The following RFFL variants were observed in gnomAD, a reference collection of about 807,000 sequenced individuals.
RFFL encodes the protein E3 ubiquitin-protein ligase rififylin.
RFFL carries 16 observed loss-of-function variants against 40.4 expected under a neutral mutation model. That is an observed-to-expected ratio of 0.40 (90% CI 0.27 to 0.60). The LOEUF (loss-of-function observed/expected upper bound fraction) is 0.60, where lower values mean the gene tolerates loss of function less well. Among genes scored for constraint, RFFL ranks in the 20% least tolerant of loss-of-function variants. The probability of loss-of-function intolerance (pLI) is 0.47; values close to 1 mark genes in which losing one functional copy is unlikely to be tolerated. For missense variants in RFFL, 367 were observed against 451.7 expected, an observed-to-expected ratio of 0.81 and a Z score of 1.70; for synonymous variants, 154 against 167.9, an observed-to-expected ratio of 0.92 and a Z score of 0.64.
intron 1 of RFFL, among the ~76,000 whole-genome samples, chr17:35,057,477 T>A (rs1171166857): frequency 6.6e-6 from 1 of 151,732 alleles, no homozygotes; most frequent in Non-Finnish European, 1.5e-5. Flanking sequence ...CTTCTCAGAC[T>A]GCAGTTCACC....
chr17:35,012,027 T>G lies in RFFL; in HGVS notation c.1033A>C (p.Asn345His). 1 of 1,614,164 alleles carries G rather than the reference T, an allele frequency of 6.2e-7. No individual in the cohort carries two copies. Among genetic ancestry groups the G allele is most frequent in the South Asian group, 1.1e-5 (1 of 91,076 alleles). ...TACTGCCGGCAGATGGGACATTCAT[T>G]CATGCGCTTGCCACACTTGGTACAG... ...VTCTKCGKRM[N>H]ECPICRQYVI... The change falls in exon 7 of 7, where the codon AAT becomes CAT. Residue 345 changes from asparagine to histidine, a missense_variant. By Grantham distance (68) the Asn-to-His change is moderately conservative. Transcript: ENST00000394597.
intron 1 of RFFL, among the ~76,000 whole-genome samples, chr17:35,045,919 G>GGGAGGCTGAGGCAGGAGTATCGCT (rs1394713913): frequency 2.0e-5 from 3 of 151,786 alleles, no homozygotes; most frequent in Non-Finnish European, 4.4e-5. Flanking sequence ...CCAGCTACTC[G>GGGAGGCTGAGGCAGGAGTATCGCT]GGAGGCTGAG....
At chr17:35,040,578 G>A (rs1456579194) in intron 1 of RFFL, among the ~76,000 whole-genome samples, 1 of 150,976 alleles carries the variant, frequency 6.6e-6, no homozygotes, top group African/African-American at 2.4e-5. Flanking sequence ...ACTCCAACCT[G>A]GGCGACAGAG....
chr17:35,014,678 G>A, intron 6 of RFFL, 62 bp downstream of exon 6: 1 of 1,429,278 alleles, frequency 7.0e-7, no homozygotes, highest in Admixed American at 1.7e-5. Context: ...AAGGGATTGG[G>A]GTTGAAGGAG....
intron 2 of RFFL, among the ~76,000 whole-genome samples, chr17:35,023,302 G>T (rs2091020873): frequency 6.6e-6 from 1 of 152,206 alleles, no homozygotes; most frequent in Non-Finnish European, 1.5e-5. Context: ...GCATAGTTAA[G>T]ATAGTTATAT....
At chr17:35,026,691 G>A in intron 1 of RFFL, 130 bp from the exon 2 acceptor site, 1 of 691,020 alleles carries the variant, frequency 1.4e-6, no homozygotes. Flanking sequence ...GGGAGGATGT[G>A]TTTTCAAACA....
chr17:35,028,748 C>T (rs2142330454), intron 1 of RFFL, among the ~76,000 whole-genome samples: 1 of 152,122 alleles, frequency 6.6e-6, no homozygotes, highest in South Asian at 2.1e-4. Context: ...GTTATTTCAT[C>T]GAGGAAAAAA....
At chr17:35,045,907 T>A (rs909456412) in intron 1 of RFFL, among the ~76,000 whole-genome samples, 4 of 151,622 alleles carry the variant, frequency 2.6e-5, no homozygotes, top group African/African-American at 9.7e-5. Context: ...ATGCCCATAG[T>A]CCCAGCTACT....
chr17:35,085,091 T>C (rs147708733), intron 1 of RFFL, among the ~76,000 whole-genome samples: 2 of 152,318 alleles, frequency 1.3e-5, no homozygotes, highest in Non-Finnish European at 2.9e-5. Context: ...CTGGGAAATC[T>C]GCATTTTTAA....
chr17:35,076,291 G>A (rs1039954962), intron 1 of RFFL, among the ~76,000 whole-genome samples: 7 of 151,912 alleles, frequency 4.6e-5, no homozygotes, highest in Non-Finnish European at 1.0e-4. Context: ...CACCATGCCC[G>A]GCCTCAATTT....
chr17:35,082,107 G>A (rs757036738), intron 1 of RFFL, among the ~76,000 whole-genome samples: 4 of 152,116 alleles, frequency 2.6e-5, no homozygotes, highest in Non-Finnish European at 5.9e-5. Context: ...AGCTGGTATT[G>A]TACTAATCAG....
intron 1 of RFFL, among the ~76,000 whole-genome samples, chr17:35,082,722 A>G (rs1383025471): frequency 1.3e-5 from 2 of 152,234 alleles, no homozygotes; most frequent in African/African-American, 4.8e-5. Flanking sequence ...GTTGCTTACA[A>G]TATACAAAAA....
chr17:35,088,792 A>G (rs1377195283), intron 1 of RFFL: 2 of 152,244 alleles, frequency 1.3e-5, no homozygotes, highest in Non-Finnish European at 2.9e-5. Flanking sequence ...CCACAAGCCA[A>G]CTAGACCTGC....
chr17:35,046,296 C>A (rs892981589), intron 1 of RFFL, among the ~76,000 whole-genome samples: 1 of 152,148 alleles, frequency 6.6e-6, no homozygotes, highest in African/African-American at 2.4e-5. Context: ...GGCTTCAATG[C>A]CTTCACTGTT....
At chr17:35,088,127 C>T (rs1312372588) in intron 1 of RFFL, among the ~76,000 whole-genome samples, 2 of 152,160 alleles carry the variant, frequency 1.3e-5, no homozygotes, top group Non-Finnish European at 2.9e-5. Context: ...AACCAATAAT[C>T]AAAGGGATAC....
intron 1 of RFFL, among the ~76,000 whole-genome samples, chr17:35,058,981 T>C (rs1039926973): frequency 2.0e-5 from 3 of 151,582 alleles, no homozygotes; most frequent in Admixed American, 1.3e-4. Flanking sequence ...GCTTCCATTA[T>C]GGCCCAGCCA....
At chr17:35,085,704 A>C (rs2142390790) in intron 1 of RFFL, among the ~76,000 whole-genome samples, 1 of 152,360 alleles carries the variant, frequency 6.6e-6, no homozygotes, top group Middle Eastern at 3.4e-3. Flanking sequence ...CTGGGATTAC[A>C]GGAGTGAGCC....
At position 35,055,084 on chromosome 17, in the gene RFFL, A is replaced by AT. The variant is rs372984260; in HGVS notation, c.-9+8491dup. On this transcript the variant is annotated intron_variant, in intron 1 of 6. Coordinates refer to ENST00000394597, the MANE Select transcript of RFFL (RefSeq NM_001017368.2). ...GGGTGCCCACCAGCACGCCTGGCCAATTTTTTTGTATTTTTAGTAGACACG... is the reference window on the plus strand; with the variant it reads ...GGGTGCCCACCAGCACGCCTGGCCAATTTTTTTTGTATTTTTAGTAGACACG... Among the ~76,000 whole-genome samples the AT allele has an allele frequency of 1.4e-3, 214 of 151,884 alleles. 1 individual carries two copies. Among genetic ancestry groups the AT allele is most frequent in the African/African-American group, 5.1e-3 (211 of 41,438 alleles).
chr17:35,082,407 T>C (rs888377311), intron 1 of RFFL, among the ~76,000 whole-genome samples: 1 of 152,234 alleles, frequency 6.6e-6, no homozygotes, highest in Non-Finnish European at 1.5e-5. Flanking sequence ...ACCGTCCAAA[T>C]ACAGATGGCA....
Sources: allele counts gnomAD v4.1 joint callset (sites outside exome capture counted in the v4.1 genomes callset), GRCh38; gene constraint gnomAD v4.1.1; transcripts MANE v1.5; gene names NCBI Gene and HGNC (gene_info 2026-07-23, HGNC 2026-07-21).